NUP210L: variants seen among roughly 807,000 people sequenced by gnomAD.
The protein encoded by NUP210L is nuclear pore membrane glycoprotein 210-like.
Under a neutral mutation model 208.5 loss-of-function variants are expected in NUP210L, and 74 were observed. That is an observed-to-expected ratio of 0.35 (90% CI 0.29 to 0.43). The LOEUF (loss-of-function observed/expected upper bound fraction) is 0.43. Among genes scored for constraint, NUP210L ranks in the 20% least tolerant of loss-of-function variants. The pLI is 1.00. For missense variants in NUP210L, 1,843 were observed against 2,289.4 expected, an observed-to-expected ratio of 0.81 and a Z score of 3.98; for synonymous variants, 780 against 816.9, an observed-to-expected ratio of 0.95 and a Z score of 0.77.
chr1:154,072,327 CT>C (rs1213732819), intron 16 of NUP210L, among the ~76,000 whole-genome samples: 3,764 of 80,096 alleles, frequency 0.047, 16 homozygotes, highest in Non-Finnish European at 0.072. Flanking sequence ...ATGGCCATTC[CT>C]TTTTTTTTTT....
At chr1:154,084,317 T>G (rs1338356799) in intron 16 of NUP210L, among the ~76,000 whole-genome samples, 1 of 151,832 alleles carries the variant, frequency 6.6e-6, no homozygotes, top group Non-Finnish European at 1.5e-5. Flanking sequence ...GTTCAAGCGA[T>G]TCTCATACCT....
chr1:154,107,245 G>T (rs1656811540), intron 12 of NUP210L, among the ~76,000 whole-genome samples: 1 of 152,032 alleles, frequency 6.6e-6, no homozygotes, highest in Non-Finnish European at 1.5e-5. Flanking sequence ...GGAGGCCAAG[G>T]CAAGCAGATC....
chr1:154,025,439 C>G, intron 30 of NUP210L, 103 bp downstream of exon 30: 2 of 618,226 alleles, frequency 3.2e-6, no homozygotes, highest in Non-Finnish European at 2.4e-6. Flanking sequence ...TCTTTAATGG[C>G]ATGATAAGAA....
intron 12 of NUP210L, among the ~76,000 whole-genome samples, chr1:154,115,076 T>G (rs1657251740): frequency 6.6e-6 from 1 of 152,212 alleles, no homozygotes; most frequent in South Asian, 2.1e-4. Flanking sequence ...CAAGCTTAAC[T>G]GAAGTTTTTG....
rs868307912 is a variant in NUP210L, at chr1:154,048,115, T to A, written c.3484-1746A>T. 2.0e-5 allele frequency among the ~76,000 whole-genome samples: 3 copies of A among 152,292 alleles called. No homozygotes were observed. The Middle Eastern group carries it at 0.01, about 518-fold the overall frequency. On this transcript the variant is annotated intron_variant, in intron 25 of 39. Transcript: ENST00000368559. The stretch of plus-strand genomic sequence containing the variant: ...GAAGAGGTGAAAGAGCAGGTTTGTT[T>A]GCCAGCTAAAGCTAAAGTGGCAAAG...
chr1:154,140,918 C>T (rs1361575592), intron 4 of NUP210L, among the ~76,000 whole-genome samples: 4 of 149,646 alleles, frequency 2.7e-5, no homozygotes, highest in African/African-American at 9.8e-5. Context: ...GGCGTGAACC[C>T]GGGAGGCAGA....
chr1:154,055,179 C>CTT (rs745826056), intron 23 of NUP210L, among the ~76,000 whole-genome samples: 2 of 103,822 alleles, frequency 1.9e-5, no homozygotes, highest in African/African-American at 7.0e-5. Flanking sequence ...TTCTTTCTTT[C>CTT]TTTCTTTCTT....
At chr1:154,056,980 GA>G in intron 22 of NUP210L, 33 bp from the exon 23 acceptor site, 1 of 1,600,382 alleles carries the variant, frequency 6.2e-7, no homozygotes, top group Non-Finnish European at 8.5e-7. Context: ...AGGTGAGAAA[GA>G]TTTTTGTTTT....
chr1:154,113,077 A>G (rs1384020827), intron 12 of NUP210L, among the ~76,000 whole-genome samples: 1 of 151,342 alleles, frequency 6.6e-6, no homozygotes, highest in African/African-American at 2.4e-5. Flanking sequence ...GGATTGCTTG[A>G]GCCCAGGAGA....
intron 2 of NUP210L, among the ~76,000 whole-genome samples, chr1:154,146,348 T>C (rs559997978): frequency 6.4e-4 from 97 of 152,306 alleles, no homozygotes; most frequent in African/African-American, 2.2e-3. Flanking sequence ...GTTTGTAAGA[T>C]GTAAGACATC....
rs113832684 is a variant in NUP210L at position 154,138,258 on chromosome 1, A to G, written c.718-20T>C. ...CACTTTCTAAAAGAGGGAGGGAAGG[A>G]AAAAAAAAAACAGTTTCCATGGACG... On this transcript the variant is annotated intron_variant, in intron 5 of 39. Coordinates refer to ENST00000368559, the Ensembl canonical transcript of NUP210L. 2.6e-5 allele frequency: 13 copies of G among 493,792 alleles called. No homozygotes were observed. In the East Asian group the frequency reaches 3.9e-4, roughly 15 times the overall value. 30.6% of individuals were successfully genotyped at this position (493,792 alleles called of 1,614,324 possible).
intron 16 of NUP210L, among the ~76,000 whole-genome samples, chr1:154,088,326 CT>C (rs1456650534): frequency 2.7e-5 from 4 of 146,828 alleles, no homozygotes; most frequent in Non-Finnish European, 6.0e-5. Context: ...GAGACCCTGT[CT>C]CAAAAAAAAA....
chr1:154,152,170 T>G (rs1659426355), intron 2 of NUP210L, among the ~76,000 whole-genome samples: 1 of 144,704 alleles, frequency 6.9e-6, no homozygotes, highest in Non-Finnish European at 1.5e-5. Flanking sequence ...TTATTTTATT[T>G]TATTTTATTT....
intron 16 of NUP210L, among the ~76,000 whole-genome samples, chr1:154,075,368 T>G (rs903873399): frequency 5.3e-5 from 8 of 152,116 alleles, no homozygotes; most frequent in Non-Finnish European, 1.2e-4. Flanking sequence ...ACTCAATGAC[T>G]CAACATCATA....
Position 154,127,472 on chromosome 1 carries a change from C to T in NUP210L, c.1079-55G>A, listed in dbSNP as rs768639232. On this transcript the variant is annotated intron_variant, in intron 8 of 39. Coordinates refer to ENST00000368559, the Ensembl canonical transcript of NUP210L. ...AGAAGAGGCTAACATTTTTCTACAA[C>T]GAATTTAAAAATACAACCTTTATAA... 12 of 822,794 alleles carry T rather than the reference C, an allele frequency of 1.5e-5. No homozygotes were observed. The African/African-American group carries it at 1.6e-4, about 11-fold the overall frequency. 51.0% of individuals were successfully genotyped at this position (822,794 alleles called of 1,614,324 possible).
chr1:154,080,092 G>T (rs1310295751), intron 16 of NUP210L: 2 of 152,248 alleles, frequency 1.3e-5, no homozygotes, highest in African/African-American at 4.8e-5. Flanking sequence ...GGGCATGGTG[G>T]CTCACACCTG....
chr1:154,069,352 A>C (rs905260751), intron 17 of NUP210L, among the ~76,000 whole-genome samples: 5 of 152,224 alleles, frequency 3.3e-5, no homozygotes, highest in Non-Finnish European at 5.9e-5. Context: ...ATTTACAAGA[A>C]AAAAATCAAA....
Position 154,113,166 on chromosome 1 carries a change from A to T in NUP210L, c.1620+4559T>A, listed in dbSNP as rs990854348. Among the ~76,000 whole-genome samples the T allele has an allele frequency of 1.6e-4, 13 of 83,326 alleles. No individual in the cohort carries two copies. The East Asian group carries it at 8.8e-3, about 57-fold the overall frequency. 54.7% of individuals were successfully genotyped at this position (83,326 alleles called of 152,430 possible). On this transcript the variant is annotated intron_variant, in intron 12 of 39. Transcript: ENST00000368559. ...GAGAGAAACCCTCTCTTAAAAAAAA[A>T]AATATATATATATATATAAAATTTA...
At chr1:154,105,941 C>T (rs1656734563) in intron 12 of NUP210L, among the ~76,000 whole-genome samples, 1 of 152,052 alleles carries the variant, frequency 6.6e-6, no homozygotes. Flanking sequence ...AGAGAGACTC[C>T]CTCAGTTTGA....
Sources: gnomAD v4.1 joint callset for allele counts (sites outside exome capture counted in the v4.1 genomes callset) on GRCh38, gnomAD v4.1.1 for gene constraint, MANE v1.5 for transcripts, NCBI Gene and HGNC (gene_info 2026-07-23, HGNC 2026-07-21) for gene names.